The following ITGA8 variants were observed in gnomAD, a reference collection of about 807,000 sequenced individuals.
ITGA8 encodes integrin alpha-8.
In ITGA8, 91 loss-of-function variants were observed where a neutral mutation model predicts 142.3. The observed-to-expected ratio is 0.64, with a 90% CI of 0.54 to 0.76. ITGA8 has a LOEUF of 0.76. ITGA8 is among the 30% of genes least tolerant of loss of function. The pLI is 0.00. For synonymous variants in ITGA8, 505 were observed against 485.2 expected, an observed-to-expected ratio of 1.04 and a Z score of -0.54; for missense variants, 1,406 against 1,327.7, an observed-to-expected ratio of 1.06 and a Z score of -0.92.
intron 13 of ITGA8, among the ~76,000 whole-genome samples, chr10:15,641,238 T>G: frequency 6.6e-6 from 1 of 152,160 alleles, no homozygotes; most frequent in Non-Finnish European, 1.5e-5. Flanking sequence ...TGAATCTGAA[T>G]AAATACTTAC....
intron 28 of ITGA8, among the ~76,000 whole-genome samples, chr10:15,523,370 G>A (rs1833104710): frequency 6.6e-6 from 1 of 152,146 alleles, no homozygotes; most frequent in Non-Finnish European, 1.5e-5. Flanking sequence ...AAATTGATGA[G>A]GATATGATTC....
intron 15 of ITGA8, among the ~76,000 whole-genome samples, chr10:15,613,167 T>TAAATAAAA (rs201326069): frequency 8.1e-5 from 12 of 147,548 alleles, no homozygotes; most frequent in Admixed American, 6.1e-4. Flanking sequence ...TCTCAATAAA[T>TAAATAAAA]AAAAAATAAA....
chr10:15,541,015 T>C (rs1309655394), intron 27 of ITGA8, among the ~76,000 whole-genome samples: 1 of 152,154 alleles, frequency 6.6e-6, no homozygotes, highest in African/African-American at 2.4e-5. Context: ...TAACTTGCCC[T>C]TCAATTTGCA....
At chr10:15,648,542 A>G (rs1834028809) in intron 11 of ITGA8, among the ~76,000 whole-genome samples, 1 of 151,156 alleles carries the variant, frequency 6.6e-6, no homozygotes, top group Admixed American at 6.6e-5. Flanking sequence ...AAGATATATC[A>G]ATAACAATAA....
At chr10:15,707,187 C>A (rs766511117) in intron 2 of ITGA8, among the ~76,000 whole-genome samples, 1 of 152,206 alleles carries the variant, frequency 6.6e-6, no homozygotes, top group South Asian at 2.1e-4. Flanking sequence ...CAAAGAGGGA[C>A]TGGACTGAGA....
At chr10:15,580,042 A>T (rs1179630400) in intron 23 of ITGA8, among the ~76,000 whole-genome samples, 1 of 151,428 alleles carries the variant, frequency 6.6e-6, no homozygotes, top group Non-Finnish European at 1.5e-5. Context: ...AAGAAAAAAT[A>T]AAGAAAACAA....
chr10:15,718,746 G>C lies in ITGA8; in HGVS notation c.343+20C>G, dbSNP rs568054125. ...CTTCCAAACCCAGGCCCACAGCTTAGAAGGACAAATCTCACTTACTGGTGG... is the reference window on the plus strand; with the variant it reads ...CTTCCAAACCCAGGCCCACAGCTTACAAGGACAAATCTCACTTACTGGTGG... On this transcript the variant is annotated intron_variant, in intron 2 of 29. Transcript: ENST00000378076. 6.2e-7 allele frequency: 1 copy of C among 1,612,876 alleles called. No individual in the cohort carries two copies. Among genetic ancestry groups the C allele is most frequent in the South Asian group, 1.1e-5 (1 of 91,034 alleles).
chr10:15,527,886 G>T, intron 28 of ITGA8, among the ~76,000 whole-genome samples: 1 of 135,484 alleles, frequency 7.4e-6, no homozygotes, highest in Non-Finnish European at 1.5e-5. Context: ...CCACCTTAAA[G>T]CAATTCCCTT....
At chr10:15,666,180 C>T (rs1202233060) in intron 8 of ITGA8, among the ~76,000 whole-genome samples, 1 of 152,040 alleles carries the variant, frequency 6.6e-6, no homozygotes, top group Non-Finnish European at 1.5e-5. Context: ...TGTTTGTATC[C>T]TCTTTTATTT....
chr10:15,709,206 C>T (rs1031867412), intron 2 of ITGA8, among the ~76,000 whole-genome samples: 2 of 152,176 alleles, frequency 1.3e-5, no homozygotes, highest in African/African-American at 2.4e-5. Context: ...TGTTCATTTT[C>T]GTACAAAAGA....
Position 15,558,139 on chromosome 10 carries a change from G to A in ITGA8, c.2701C>T (p.His901Tyr), listed in dbSNP as rs374258924. The A allele has an allele frequency of 1.2e-6, 2 of 1,614,092 alleles. No homozygotes were observed. Among genetic ancestry groups the A allele is most frequent in the East Asian group, 2.2e-5 (1 of 44,900 alleles). The change falls in exon 26 of 30, where the codon CAT becomes TAT. Residue 901 changes from histidine to tyrosine, a missense_variant. Physicochemically the swap from His to Tyr is moderately conservative, Grantham distance 83. Transcript: ENST00000378076. ...SAFLRNSTIP[H>Y]LVRKRDVHVV... The stretch of plus-strand genomic sequence containing the variant: ...TGTACATCCCTCTTCCTGACAAGAT[G>A]AGGAATAGTAGAGTTTCGCAAAAAG...
chr10:15,545,165 C>A (rs1353610666), intron 27 of ITGA8, among the ~76,000 whole-genome samples: 2 of 152,228 alleles, frequency 1.3e-5, no homozygotes, highest in Admixed American at 6.5e-5. Context: ...GGGTTCAGAA[C>A]AGAACTCTTG....
intron 2 of ITGA8, among the ~76,000 whole-genome samples, chr10:15,691,100 A>G (rs1834925837): frequency 6.6e-6 from 1 of 152,308 alleles, no homozygotes; most frequent in Admixed American, 6.5e-5. Context: ...AATGCTTAAC[A>G]TCCCTAATCA....
chr10:15,675,903 G>C (rs1014351000), intron 6 of ITGA8, among the ~76,000 whole-genome samples: 1 of 152,122 alleles, frequency 6.6e-6, no homozygotes, highest in African/African-American at 2.4e-5. Flanking sequence ...ATATGCCATT[G>C]CTATGGTAAA....
chr10:15,625,541 C>G (rs972338007), intron 13 of ITGA8, among the ~76,000 whole-genome samples: 2 of 152,218 alleles, frequency 1.3e-5, no homozygotes, highest in African/African-American at 4.8e-5. Flanking sequence ...GTTTCACAGT[C>G]TCCAGAAGAG....
At chr10:15,563,472 A>G (rs530582988) in intron 25 of ITGA8, among the ~76,000 whole-genome samples, 1 of 152,274 alleles carries the variant, frequency 6.6e-6, no homozygotes, top group Non-Finnish European at 1.5e-5. Flanking sequence ...GGTCATTGAC[A>G]ATTATGTTAC....
In ITGA8 at chr10:15,608,202, A is replaced by G. The variant is rs181267023; in HGVS notation, c.1609+33T>C. On this transcript the variant is annotated intron_variant, in intron 16 of 29. Coordinates refer to ENST00000378076, the MANE Select transcript of ITGA8 (RefSeq NM_003638.3). ...GGTTACTGTTCAACTTTCTTAGTAT[A>G]CCATAAGAATGTAAAAATGAAAACA... The G allele has an allele frequency of 4.6e-5, 68 of 1,492,614 alleles. No individual in the cohort carries two copies. The African/African-American group carries it at 7.9e-4, about 17-fold the overall frequency. 92.5% of individuals were successfully genotyped at this position (1,492,614 alleles called of 1,614,324 possible).
chr10:15,628,149 A>T (rs1833618916), intron 13 of ITGA8, among the ~76,000 whole-genome samples: 2 of 151,944 alleles, frequency 1.3e-5, no homozygotes, highest in South Asian at 4.1e-4. Context: ...CTCCTTTCGC[A>T]GAAAACTTAC....
At chr10:15,565,734 C>A (rs1292386521) in intron 25 of ITGA8, among the ~76,000 whole-genome samples, 1 of 151,598 alleles carries the variant, frequency 6.6e-6, no homozygotes, top group Non-Finnish European at 1.5e-5. Context: ...GGATTGCAGG[C>A]ACCCACCACC....
Sources: allele counts gnomAD v4.1 joint callset (sites outside exome capture counted in the v4.1 genomes callset), GRCh38; gene constraint gnomAD v4.1.1; transcripts MANE v1.5; gene names NCBI Gene and HGNC (gene_info 2026-07-23, HGNC 2026-07-21).